TBC1D22A: variants seen among roughly 807,000 people sequenced by gnomAD.
TBC1D22A encodes the protein TBC1 domain family member 22A, also known as putative GTPase activator.
Under a neutral mutation model 60.2 loss-of-function variants are expected in TBC1D22A, and 38 were observed. The ratio of observed to expected loss-of-function variants is 0.63; its 90% CI spans 0.49 to 0.83. The LOEUF (loss-of-function observed/expected upper bound fraction) is 0.83. TBC1D22A is among the 40% of genes least tolerant of loss of function. The pLI is 0.00. For synonymous variants in TBC1D22A, 302 were observed against 281.7 expected, an observed-to-expected ratio of 1.07 and a Z score of -0.72; for missense variants, 628 against 701.0, an observed-to-expected ratio of 0.90 and a Z score of 1.18.
chr22:46,860,757 G>T (rs976216579), intron 4 of TBC1D22A, among the ~76,000 whole-genome samples: 28 of 152,242 alleles, frequency 1.8e-4, no homozygotes, highest in Non-Finnish European at 3.8e-4. Context: ...TGGGACCACT[G>T]AGGAGATCCT....
intron 11 of TBC1D22A, among the ~76,000 whole-genome samples, chr22:47,058,792 C>T (rs769407162): frequency 1.2e-4 from 18 of 152,046 alleles, no homozygotes; most frequent in Non-Finnish European, 1.5e-4. Context: ...CTGACCCAGC[C>T]GTGTTGCTCT....
Position 47,132,217 on chromosome 22 carries a change from C to T in TBC1D22A, c.1425+20614C>T, listed in dbSNP as rs186187059. Among the ~76,000 whole-genome samples the T allele has an allele frequency of 2.8e-3, 424 of 152,214 alleles. 7 individuals carry two copies. Among genetic ancestry groups the T allele is most frequent in the Non-Finnish European group, 1.3e-3 (90 of 68,018 alleles). On this transcript the variant is annotated intron_variant, in intron 12 of 12. Coordinates refer to ENST00000337137, the MANE Select transcript of TBC1D22A (RefSeq NM_014346.5). ...GAAGAGATGGGGTCTGCCTGGATTC[C>T]CCCCGAGTCTTGGTCGTCAGGCCTG...
At chr22:46,811,138 G>C (rs1234131781) in intron 4 of TBC1D22A, among the ~76,000 whole-genome samples, 1 of 152,212 alleles carries the variant, frequency 6.6e-6, no homozygotes, top group Non-Finnish European at 1.5e-5. Flanking sequence ...TATTTGATGA[G>C]CTTGTTTCGG....
chr22:46,866,233 T>G (rs1014803170), intron 4 of TBC1D22A, among the ~76,000 whole-genome samples: 3 of 152,206 alleles, frequency 2.0e-5, no homozygotes, highest in Non-Finnish European at 4.4e-5. Flanking sequence ...GCCTCCCAAG[T>G]AGCTGGGACT....
chr22:46,925,382 G>C (rs1035389122), intron 8 of TBC1D22A, among the ~76,000 whole-genome samples: 1 of 152,254 alleles, frequency 6.6e-6, no homozygotes, highest in Non-Finnish European at 1.5e-5. Context: ...TAGCGAAGTG[G>C]AGGTGGCTGG....
In TBC1D22A at chr22:47,161,954, C is replaced by T. The variant is rs115260585; in HGVS notation, c.1426-11544C>T. Among the ~76,000 whole-genome samples the T allele has an allele frequency of 1.0e-2, 1,521 of 152,354 alleles. 18 individuals are homozygous for T. The highest frequency in any genetic ancestry group is 0.034 in the African/African-American group (1,434 of 41,570). On this transcript the variant is annotated intron_variant, in intron 12 of 12. Coordinates refer to ENST00000337137, the MANE Select transcript of TBC1D22A (RefSeq NM_014346.5). ...AGCCCCGTCTTCTGGCACCGCTGAGCGCCTTTGCATTGTGTAAGGACTGCA... is the reference window on the plus strand; with the variant it reads ...AGCCCCGTCTTCTGGCACCGCTGAGTGCCTTTGCATTGTGTAAGGACTGCA...
At chr22:47,045,120 T>C (rs967086167) in intron 11 of TBC1D22A, among the ~76,000 whole-genome samples, 17 of 152,208 alleles carry the variant, frequency 1.1e-4, no homozygotes, top group African/African-American at 3.6e-4. Context: ...AGAAAAGTGA[T>C]TTGTATAATG....
chr22:47,151,102 C>CCCGCT (rs1169283570), intron 12 of TBC1D22A, among the ~76,000 whole-genome samples: 1 of 152,160 alleles, frequency 6.6e-6, no homozygotes, highest in African/African-American at 2.4e-5. Context: ...TGGGGAGCAA[C>CCCGCT]CCGCTCCGCT....
At chr22:47,119,532 T>C (rs2066196064) in intron 12 of TBC1D22A, among the ~76,000 whole-genome samples, 1 of 150,856 alleles carries the variant, frequency 6.6e-6, no homozygotes, top group African/African-American at 2.5e-5. Flanking sequence ...AGTCTCACAC[T>C]GTCACCCGGG....
chr22:47,173,231 G>A (rs191360303), intron 12 of TBC1D22A, among the ~76,000 whole-genome samples: 40 of 152,234 alleles, frequency 2.6e-4, no homozygotes, highest in African/African-American at 8.2e-4. Context: ...GGCGGTGGCC[G>A]TGGGGCGAGG....
At chr22:47,067,663 A>AACAT (rs1404483503) in intron 11 of TBC1D22A, among the ~76,000 whole-genome samples, 3 of 152,186 alleles carry the variant, frequency 2.0e-5, no homozygotes, top group African/African-American at 7.2e-5. Flanking sequence ...CAGGGATCAG[A>AACAT]ACAGGCAGAG....
At chr22:46,792,674 C>T in intron 2 of TBC1D22A, 98 bp downstream of exon 2, 1 of 1,609,788 alleles carries the variant, frequency 6.2e-7, no homozygotes, top group East Asian at 2.2e-5. Context: ...CCAGGCATTC[C>T]TCAGGGAGGA....
chr22:46,816,230 G>C (rs890426936), intron 4 of TBC1D22A, among the ~76,000 whole-genome samples: 3 of 152,188 alleles, frequency 2.0e-5, no homozygotes, highest in Admixed American at 6.5e-5. Context: ...ACTGGAAGCT[G>C]TCTGTGGCCC....
intron 8 of TBC1D22A, among the ~76,000 whole-genome samples, chr22:46,957,672 C>G (rs535245689): frequency 6.6e-6 from 1 of 152,208 alleles, no homozygotes; most frequent in Non-Finnish European, 1.5e-5. Flanking sequence ...GGCTCGGGAT[C>G]CCAGAATGAG....
At chr22:46,987,236 C>G (rs371030426) in intron 9 of TBC1D22A, among the ~76,000 whole-genome samples, 1 of 152,118 alleles carries the variant, frequency 6.6e-6, no homozygotes, top group African/African-American at 2.4e-5. Context: ...AGAAATTAGT[C>G]TCCATCTCTC....
In TBC1D22A at chr22:47,111,590, A is replaced by G. The variant is rs1405764252; in HGVS notation, c.1412A>G (p.Glu471Gly). ...AGATGGAGGAAGGAAATACTAGAAG[A>G]AAAAGATTTTCAAGTAAGTAAATGT... ...LVRWRKEILE[E>G]KDFQELLLFL... Residue 471 changes from glutamate (E) to glycine (G), a missense_variant, in exon 12 of 13, where the codon GAA becomes GGA. By Grantham distance (98) the Glu-to-Gly change is moderately conservative. Coordinates refer to ENST00000337137, the MANE Select transcript of TBC1D22A (RefSeq NM_014346.5). The G allele has an allele frequency of 1.2e-6, 2 of 1,613,814 alleles. No individual in the cohort carries two copies. Among genetic ancestry groups the G allele is most frequent in the Non-Finnish European group, 1.7e-6 (2 of 1,179,848 alleles).
rs527318781 is a variant in TBC1D22A at position 46,804,704 on chromosome 22, T to G, written c.637+7084T>G. ...ATTTGGTGAAAATTAGGAATTTTAT[T>G]TACTATCCATAGTAATGTAAATCTT... On this transcript the variant is annotated intron_variant, in intron 4 of 12. Transcript: ENST00000337137. Among the ~76,000 whole-genome samples, 300 of 152,388 alleles carry G rather than the reference T, an allele frequency of 2.0e-3. 2 individuals carry two copies. Among genetic ancestry groups the G allele is most frequent in the Middle Eastern group, 3.4e-3 (1 of 294 alleles).
intron 6 of TBC1D22A, among the ~76,000 whole-genome samples, chr22:46,894,435 G>A (rs1014671008): frequency 2.0e-5 from 3 of 152,210 alleles, no homozygotes; most frequent in African/African-American, 7.2e-5. Flanking sequence ...TGATGTACTT[G>A]AATTGCTGTC....
Position 47,111,568 on chromosome 22 carries a change from T to A in TBC1D22A, c.1390T>A (p.Trp464Arg), listed in dbSNP as rs1450202904. The change falls in exon 12 of 13, where the codon TGG becomes AGG. Residue 464 changes from tryptophan (W) to arginine (R), a missense_variant. Transcript: ENST00000337137. Reference protein sequence around the residue: ...LYVCAAFLVRWRKEILEEKDF... With the variant: ...LYVCAAFLVRRRKEILEEKDF... ...CGTGTGCGCTGCTTTTCTCGTGAGATGGAGGAAGGAAATACTAGAAGAAAA... is the reference window on the plus strand; with the variant it reads ...CGTGTGCGCTGCTTTTCTCGTGAGAAGGAGGAAGGAAATACTAGAAGAAAA... 11 of 1,614,138 alleles carry A rather than the reference T, an allele frequency of 6.8e-6. No individual in the cohort carries two copies. Among genetic ancestry groups the A allele is most frequent in the Non-Finnish European group, 9.3e-6 (11 of 1,180,008 alleles).
Sources: gnomAD v4.1 joint callset for allele counts (sites outside exome capture counted in the v4.1 genomes callset) on GRCh38, gnomAD v4.1.1 for gene constraint, MANE v1.5 for transcripts, NCBI Gene and HGNC (gene_info 2026-07-23, HGNC 2026-07-21) for gene names.